The following ARHGEF18 variants were observed in gnomAD, a reference collection of about 807,000 sequenced individuals.
ARHGEF18 encodes Rho/Rac guanine nucleotide exchange factor 18, also known as rho guanine nucleotide exchange factor 18.
In ARHGEF18, 93 loss-of-function variants were observed where a neutral mutation model predicts 155.7. The ratio of observed to expected loss-of-function variants is 0.60; its 90% CI spans 0.50 to 0.71. ARHGEF18 has a LOEUF of 0.71. ARHGEF18 is among the 30% of genes least tolerant of loss of function. The probability of loss-of-function intolerance (pLI) is 0.00; values close to 1 mark genes in which losing one functional copy is unlikely to be tolerated. For synonymous variants in ARHGEF18, 742 were observed against 753.1 expected, an observed-to-expected ratio of 0.99 and a Z score of 0.24; for missense variants, 1,593 against 1,816.1, an observed-to-expected ratio of 0.88 and a Z score of 2.23.
intron 10 of ARHGEF18, among the ~76,000 whole-genome samples, chr19:7,402,575 T>C (rs1972073800): frequency 6.6e-6 from 1 of 151,910 alleles, no homozygotes; most frequent in Non-Finnish European, 1.5e-5. Flanking sequence ...GAGGAAGAGA[T>C]GGAATAAGAA....
intron 19 of ARHGEF18, among the ~76,000 whole-genome samples, 176 bp downstream of exon 19, chr19:7,458,866 G>A (rs368863427): frequency 1.3e-5 from 2 of 152,204 alleles, no homozygotes; most frequent in African/African-American, 2.4e-5. Context: ...TGAGGCCAAC[G>A]GGCCCAGAAA....
At chr19:7,398,959 G>T (rs569203581) in intron 10 of ARHGEF18, among the ~76,000 whole-genome samples, 44 of 152,280 alleles carry the variant, frequency 2.9e-4, no homozygotes, top group Non-Finnish European at 5.0e-4. Context: ...AGCTCAGATC[G>T]TGTGTCAAGA....
chr19:7,459,127 C>G (rs1016827781), intron 19 of ARHGEF18, among the ~76,000 whole-genome samples: 1 of 152,174 alleles, frequency 6.6e-6, no homozygotes, highest in South Asian at 2.1e-4. Flanking sequence ...TCACTGCAGC[C>G]TCCGCCTCCC....
chr19:7,477,176 T>C, downstream of ARHGEF18: 1 of 1,432,606 alleles, frequency 7.0e-7, no homozygotes, highest in Non-Finnish European at 9.2e-7. Context: ...GGGCTCTGGC[T>C]GTGTCCCTGT....
intron 4 of ARHGEF18, among the ~76,000 whole-genome samples, chr19:7,376,362 G>A (rs947285763): frequency 6.6e-6 from 1 of 152,162 alleles, no homozygotes; most frequent in East Asian, 1.9e-4. Context: ...GACCCTGGGG[G>A]AAATTCCTGG....
chr19:7,364,059 A>C (rs536069492), intron 2 of ARHGEF18, among the ~76,000 whole-genome samples: 149 of 148,748 alleles, frequency 1.0e-3, no homozygotes, highest in Middle Eastern at 3.9e-3. Context: ...GAATGAAGGA[A>C]AGATGGATGG....
At chr19:7,451,987 G>T (rs1382283882) in intron 16 of ARHGEF18, among the ~76,000 whole-genome samples, 2 of 152,330 alleles carry the variant, frequency 1.3e-5, no homozygotes, top group Non-Finnish European at 2.9e-5. Context: ...CTCCCAAAGT[G>T]CTGGGATTAC....
chr19:7,423,836 A>C (rs1346385231), intron 10 of ARHGEF18, among the ~76,000 whole-genome samples: 3 of 151,840 alleles, frequency 2.0e-5, no homozygotes. Context: ...GCATCCCTAC[A>C]CTTGGGAAAG....
At chr19:7,362,300 G>GAGAAGGAGGAAGA (rs1555698208) in intron 1 of ARHGEF18, among the ~76,000 whole-genome samples, 1 of 150,624 alleles carries the variant, frequency 6.6e-6, no homozygotes, top group Non-Finnish European at 1.5e-5. Context: ...GAGGAAGAAG[G>GAGAAGGAGGAAGA]AGAAGGAGGA....
Position 7,462,439 on chromosome 19 carries a change from TC to T in ARHGEF18, c.2635+107del. The T allele has an allele frequency of 7.6e-7, 1 of 1,312,336 alleles. No homozygotes were observed. Among genetic ancestry groups the T allele is most frequent in the Non-Finnish European group, 1.0e-6 (1 of 1,000,606 alleles). The allele number at this position is 1,312,336 out of a possible 1,614,324, so 81.3% of individuals were successfully genotyped here. ...TCATTGTGGCCGACACGGCACCCTG[TC>T]CAGGACAGGCTTCTATGTGGGGGGG... On this transcript the variant is annotated intron_variant, in intron 21 of 28. Transcript: ENST00000668164. This position sits in a 1 kb window ranked among gnomAD's most constrained non-coding sequence, Gnocchi z 4.4.
chr19:7,372,175 A>G (rs1003924791), intron 2 of ARHGEF18, among the ~76,000 whole-genome samples: 3 of 152,194 alleles, frequency 2.0e-5, no homozygotes, highest in African/African-American at 7.2e-5. Context: ...AAATGCCTGG[A>G]AAAGGACAAT....
the ARHGEF18 span, among the ~76,000 whole-genome samples, chr19:7,479,751 C>T: frequency 6.6e-6 from 1 of 152,244 alleles, no homozygotes; most frequent in African/African-American, 2.4e-5. Context: ...CAAGGGGGGA[C>T]ACGTGTCAGT....
intron 10 of ARHGEF18, among the ~76,000 whole-genome samples, chr19:7,415,120 C>A (rs946612405): frequency 1.3e-5 from 2 of 152,202 alleles, no homozygotes; most frequent in South Asian, 2.1e-4. Context: ...GCTCCCAAGA[C>A]CGCTTTCAAC....
At chr19:7,362,023 GAGA>G (rs1969588427) in intron 1 of ARHGEF18, among the ~76,000 whole-genome samples, 1 of 48,038 alleles carries the variant, frequency 2.1e-5, no homozygotes, top group African/African-American at 1.0e-4. Flanking sequence ...GAAGGAGAAG[GAGA>G]AGGAGAAGGA....
chr19:7,416,605 G>GTTT (rs71179109), intron 10 of ARHGEF18, among the ~76,000 whole-genome samples: 46,388 of 90,324 alleles, frequency 0.51, 14,875 homozygotes, highest in Middle Eastern at 0.68. Context: ...TTTTATTTGG[G>GTTT]TTTTTTTTTT....
chr19:7,398,708 T>TAAATAAAG (rs1555708499), intron 10 of ARHGEF18, among the ~76,000 whole-genome samples: 80 of 147,758 alleles, frequency 5.4e-4, no homozygotes, highest in African/African-American at 2.0e-3. Flanking sequence ...AAAAAAAAAA[T>TAAATAAAG]AAAGAAAGAA....
chr19:7,451,462 G>T (rs1975464938), intron 16 of ARHGEF18, among the ~76,000 whole-genome samples, 196 bp downstream of exon 16: 1 of 146,712 alleles, frequency 6.8e-6, no homozygotes, highest in Non-Finnish European at 1.5e-5. Context: ...AGGCTGGAGT[G>T]TAGTGGTGAA....
intron 11 of ARHGEF18, among the ~76,000 whole-genome samples, chr19:7,441,284 A>T (rs1974630155): frequency 6.7e-6 from 1 of 148,998 alleles, no homozygotes; most frequent in South Asian, 2.1e-4. Flanking sequence ...GATTCAAGTG[A>T]TTCCCCTACC....
rs1974896744 is a variant in ARHGEF18 at position 7,444,971 on chromosome 19, G to T, written c.1611+517G>T. ...CAGTAATAAAACGAGAGTGGCCCCTGAGGACACACAGTTCTGGGCCCCTTA... is the reference window on the plus strand; with the variant it reads ...CAGTAATAAAACGAGAGTGGCCCCTTAGGACACACAGTTCTGGGCCCCTTA... On this transcript the variant is annotated intron_variant, in intron 14 of 28. Coordinates refer to ENST00000668164, the MANE Select transcript of ARHGEF18 (RefSeq NM_001367823.1). This position sits in a 1 kb window ranked among gnomAD's most constrained non-coding sequence, Gnocchi z 4.7. 6.6e-6 allele frequency among the ~76,000 whole-genome samples: 1 copy of T among 152,176 alleles called. No homozygotes were observed. Among genetic ancestry groups the T allele is most frequent in the African/African-American group, 2.4e-5 (1 of 41,448 alleles).
Sources: gnomAD v4.1 joint callset for allele counts (sites outside exome capture counted in the v4.1 genomes callset) on GRCh38, gnomAD v4.1.1 for gene constraint, Gnocchi (gnomAD v3.1) non-coding constraint, MANE v1.5 for transcripts, NCBI Gene and HGNC (gene_info 2026-07-23, HGNC 2026-07-21) for gene names.